The following ABCA9 variants were observed in gnomAD, a reference collection of about 807,000 sequenced individuals.
ABCA9 encodes the protein ATP-binding cassette sub-family A member 9.
A neutral mutation model predicts 205.3 loss-of-function variants in ABCA9; 183 were observed. The observed-to-expected ratio is 0.89, with a 90% CI of 0.79 to 1.01. The LOEUF (loss-of-function observed/expected upper bound fraction) is 1.01, where lower values mean the gene tolerates loss of function less well. Ranked by LOEUF, ABCA9 falls within the 50% of genes least tolerant of loss-of-function variation. ABCA9 has a pLI of 0.00. For missense variants in ABCA9, 1,805 were observed against 1,912.4 expected, an observed-to-expected ratio of 0.94 and a Z score of 1.05; for synonymous variants, 651 against 683.3, an observed-to-expected ratio of 0.95 and a Z score of 0.74.
intron 23 of ABCA9, among the ~76,000 whole-genome samples, chr17:69,008,591 C>G (rs1259253685): frequency 6.6e-6 from 1 of 152,172 alleles, no homozygotes; most frequent in Non-Finnish European, 1.5e-5. Flanking sequence ...GTAGGATTAC[C>G]ATTTCCTGTA....
intron 25 of ABCA9, among the ~76,000 whole-genome samples, chr17:68,997,087 C>T (rs190606883): frequency 2.0e-5 from 3 of 152,288 alleles, no homozygotes; most frequent in Non-Finnish European, 4.4e-5. Context: ...CATGCCATCA[C>T]GCCCAGCTAA....
At position 69,044,636 on chromosome 17, in the gene ABCA9, A is replaced by G. The variant is rs113737869; in HGVS notation, c.470-36T>C. Reference sequence around the variant, plus strand: ...AGAACACATCCATTATTACGGAATGATACAATCTTGGCTACAGAAAAAAAC... The same window carrying G: ...AGAACACATCCATTATTACGGAATGGTACAATCTTGGCTACAGAAAAAAAC... On this transcript the variant is annotated intron_variant, in intron 4 of 38. Coordinates refer to ENST00000340001, the MANE Select transcript of ABCA9 (RefSeq NM_080283.4). The G allele has an allele frequency of 2.1e-5, 34 of 1,588,638 alleles. No individual in the cohort carries two copies. In the South Asian group the frequency reaches 2.9e-4, roughly 14 times the overall value.
intron 20 of ABCA9, chr17:69,018,014 G>C (rs911383101): frequency 1.5e-5 from 7 of 475,716 alleles, no homozygotes; most frequent in African/African-American, 1.2e-4. Context: ...ATTTCTATTA[G>C]TATAGAAATA....
chr17:69,015,194 A>T (rs2070542064), intron 22 of ABCA9, among the ~76,000 whole-genome samples: 1 of 152,144 alleles, frequency 6.6e-6, no homozygotes, highest in African/African-American at 2.4e-5. Context: ...GGAAGAGCAA[A>T]TCACACCACA....
chr17:68,987,754 G>GTTTTTT (rs1441587722), intron 31 of ABCA9, among the ~76,000 whole-genome samples: 2 of 85,340 alleles, frequency 2.3e-5, no homozygotes, highest in African/African-American at 6.4e-5. Context: ...TTGTTTGTTT[G>GTTTTTT]TTTGTTTGTT....
Position 68,976,152 on chromosome 17 carries a change from G to A in ABCA9, c.4759C>T (p.Gln1587Ter), listed in dbSNP as rs2068887014. The change falls in exon 38 of 39, where the codon CAG becomes TAG. Residue 1587 changes from glutamine (Q) to a stop codon, truncating the protein, a stop_gained. Coordinates refer to ENST00000340001, the MANE Select transcript of ABCA9 (RefSeq NM_080283.4). LOFTEE classifies it high-confidence loss of function. ...TGACCCACCTGCTCCAGGGTAGACT[G>A]TGAGAGGCTGTACTCCTCCAGGTCG... is the stretch of plus-strand genomic sequence containing the variant. ...SFDLEEYSLSQSTLEQVFLEL... is the reference protein window; with the variant it reads ...SFDLEEYSLS 1.2e-6 allele frequency: 2 copies of A among 1,614,000 alleles called. No individual in the cohort carries two copies. Among genetic ancestry groups the A allele is most frequent in the South Asian group, 1.1e-5 (1 of 91,078 alleles).
intron 3 of ABCA9, among the ~76,000 whole-genome samples, chr17:69,047,570 G>A (rs533608458): frequency 1.3e-5 from 2 of 152,102 alleles, no homozygotes; most frequent in East Asian, 1.9e-4. Context: ...GAGCAGGGAG[G>A]AGAAAAACAA....
Position 68,984,966 on chromosome 17 carries a change from A to G in ABCA9, c.4298T>C (p.Leu1433Pro), listed in dbSNP as rs778243414. ...EGIKRKLCFV[L>P]SILGNPSVVL... The stretch of plus-strand genomic sequence containing the variant: ...CACTGACGGGTTCCCCAGGATGCTC[A>G]GCACAAAGCACAGCTGCAACGGGAG... Residue 1433 changes from leucine (L) to proline (P), a missense_variant, in exon 34 of 39, where the codon CTG becomes CCG. By Grantham distance (98) the Leu-to-Pro change is moderately conservative (BLOSUM62 -3). Coordinates refer to ENST00000340001, the MANE Select transcript of ABCA9 (RefSeq NM_080283.4). 1 of 1,614,200 alleles carries G rather than the reference A, an allele frequency of 6.2e-7. No individual in the cohort carries two copies. Among genetic ancestry groups the G allele is most frequent in the Non-Finnish European group, 8.5e-7 (1 of 1,180,040 alleles).
At chr17:69,039,180 C>T (rs535483802) in intron 6 of ABCA9, among the ~76,000 whole-genome samples, 3 of 152,220 alleles carry the variant, frequency 2.0e-5, no homozygotes, top group South Asian at 2.1e-4. Flanking sequence ...ATCAAGCTAC[C>T]GTTGACTTTC....
chr17:68,989,254 TCTCACACA>T (rs2069360051), intron 30 of ABCA9, 136 bp from the exon 31 acceptor site: 10 of 416,862 alleles, frequency 2.4e-5, no homozygotes, highest in South Asian at 5.1e-5. Flanking sequence ...TCTCTCTCTC[TCTCACACA>T]CACACACACA....
chr17:69,055,104 G>A (rs2072029474), intron 1 of ABCA9, among the ~76,000 whole-genome samples: 1 of 151,978 alleles, frequency 6.6e-6, no homozygotes, highest in African/African-American at 2.4e-5. Context: ...TAGAACAAAG[G>A]CAATAAATAG....
At chr17:69,013,883 C>A (rs986902157) in intron 22 of ABCA9, among the ~76,000 whole-genome samples, 2 of 152,008 alleles carry the variant, frequency 1.3e-5, no homozygotes, top group East Asian at 1.9e-4. Flanking sequence ...ACAGAGAATG[C>A]CAGGAGCTGG....
Position 68,984,884 on chromosome 17 carries a change from C to A in ABCA9, c.4379+1G>T. The A allele has an allele frequency of 4.3e-6, 7 of 1,614,150 alleles. No homozygotes were observed. Among genetic ancestry groups the A allele is most frequent in the Non-Finnish European group, 5.9e-6 (7 of 1,180,038 alleles). On this transcript the variant is annotated splice_donor_variant, in intron 34 of 38. Coordinates refer to ENST00000340001, the MANE Select transcript of ABCA9 (RefSeq NM_080283.4). LOFTEE classifies it high-confidence loss of function. ...AGAGGTTGCTCATGATAGCACCTCA[C>A]CACATTTGCTGCTGCCCCTCGGGGT...
intron 25 of ABCA9, among the ~76,000 whole-genome samples, chr17:69,002,815 T>A (rs1360744246): frequency 7.0e-6 from 1 of 142,852 alleles, no homozygotes. Context: ...ATTGGGTGCA[T>A]ATATATTTAG....
In ABCA9 at chr17:68,975,460, G is replaced by A; in HGVS notation, c.*455C>T. 6.5e-6 allele frequency: 1 copy of A among 152,676 alleles called. No homozygotes were observed. The highest frequency in any genetic ancestry group is 1.5e-5 in the Non-Finnish European group (1 of 68,372). The allele number at this position is 152,676 out of a possible 1,614,324, so 9.5% of individuals were successfully genotyped here. ...AATTAAGAACAAGTATTTAAAAAGGGAATTATAAAAAGCAAATACTGTGCT... is the reference window on the plus strand; with the variant it reads ...AATTAAGAACAAGTATTTAAAAAGGAAATTATAAAAAGCAAATACTGTGCT... On this transcript the variant is annotated 3_prime_UTR_variant, in exon 39 of 39. Coordinates refer to ENST00000340001, the MANE Select transcript of ABCA9 (RefSeq NM_080283.4).
Position 69,017,570 on chromosome 17 carries a change from G to T in ABCA9, c.2901+86C>A, listed in dbSNP as rs749076402. The stretch of plus-strand genomic sequence containing the variant: ...TATCCCATTTGTTTGTGTGAAATTG[G>T]CCTTTCATTCAGCTGATATGAATTA... On this transcript the variant is annotated intron_variant, in intron 21 of 38. Coordinates refer to ENST00000340001, the MANE Select transcript of ABCA9 (RefSeq NM_080283.4). The T allele has an allele frequency of 6.9e-6, 10 of 1,444,368 alleles. 1 individual carries two copies. The highest frequency in any genetic ancestry group is 6.1e-5 in the Admixed American group (3 of 49,156). 89.5% of individuals were successfully genotyped at this position (1,444,368 alleles called of 1,614,324 possible).
chr17:68,976,885 A>G (rs2068904659), intron 37 of ABCA9, among the ~76,000 whole-genome samples: 1 of 152,236 alleles, frequency 6.6e-6, no homozygotes, highest in South Asian at 2.1e-4. Context: ...TGAGACCTCA[A>G]CCATGTAGAT....
chr17:69,065,849 C>T (rs1415051544), upstream of ABCA9, among the ~76,000 whole-genome samples: 1 of 152,070 alleles, frequency 6.6e-6, no homozygotes, highest in Non-Finnish European at 1.5e-5. Flanking sequence ...GGCAGTTACC[C>T]TCAGGCTGTT....
intron 6 of ABCA9, among the ~76,000 whole-genome samples, chr17:69,039,665 A>G (rs562872911): frequency 6.6e-6 from 1 of 152,300 alleles, no homozygotes; most frequent in African/African-American, 2.4e-5. Flanking sequence ...CATGACTAAA[A>G]CACTGAAAGA....
Sources: allele counts gnomAD v4.1 joint callset (sites outside exome capture counted in the v4.1 genomes callset), GRCh38; gene constraint gnomAD v4.1.1; transcripts MANE v1.5; gene names NCBI Gene and HGNC (gene_info 2026-07-23, HGNC 2026-07-21).